TRPC3: variants seen among roughly 807,000 people sequenced by gnomAD.
The protein encoded by TRPC3 is transient receptor potential cation channel subfamily C member 3, also known as short transient receptor potential channel 3.
TRPC3 carries 54 observed loss-of-function variants against 90.9 expected under a neutral mutation model. The observed-to-expected ratio is 0.59, with a 90% CI of 0.48 to 0.75. The LOEUF (loss-of-function observed/expected upper bound fraction) is 0.75. TRPC3 is among the 30% of genes least tolerant of loss of function. The probability of loss-of-function intolerance (pLI) is 0.00; values close to 1 mark genes in which losing one functional copy is unlikely to be tolerated. For synonymous variants in TRPC3, 424 were observed against 450.9 expected (o/e 0.94, Z 0.75); for missense variants, 918 against 1,194.5 (o/e 0.77, Z 3.41).
At chr4:121,908,135 T>C (rs1165580110) in intron 6 of TRPC3, among the ~76,000 whole-genome samples, 1 of 152,160 alleles carries the variant, frequency 6.6e-6, no homozygotes, top group Admixed American at 6.5e-5. Flanking sequence ...AGTAAAAGAA[T>C]TTTGGATATA....
intron 11 of TRPC3, among the ~76,000 whole-genome samples, chr4:121,882,109 TC>T (rs1727964031): frequency 6.6e-6 from 1 of 152,162 alleles, no homozygotes; most frequent in Admixed American, 6.6e-5. Flanking sequence ...AAGATGTCAG[TC>T]TTTACATTCT....
Position 121,924,467 on chromosome 4 carries a change from G to A in TRPC3, c.1176+551C>T, listed in dbSNP as rs571553445. On this transcript the variant is annotated intron_variant, in intron 3 of 11. Coordinates refer to ENST00000379645, the MANE Select transcript of TRPC3 (RefSeq NM_001130698.2). The stretch of plus-strand genomic sequence containing the variant: ...CCCACCATGGGTAAAAAGTAGAAAG[G>A]ATCAGAAGCTACACATTTAACTTGC... Among the ~76,000 whole-genome samples, 5 of 152,240 alleles carry A rather than the reference G, an allele frequency of 3.3e-5. No individual in the cohort carries two copies. The South Asian group carries it at 8.3e-4, about 25-fold the overall frequency.
At chr4:121,938,891 T>A (rs1004870470) in intron 1 of TRPC3, among the ~76,000 whole-genome samples, 7 of 151,454 alleles carry the variant, frequency 4.6e-5, no homozygotes, top group Non-Finnish European at 1.0e-4. Flanking sequence ...ACACCCCTAC[T>A]GCTCTTTTCA....
intron 7 of TRPC3, among the ~76,000 whole-genome samples, chr4:121,906,516 A>G (rs541725599): frequency 2.6e-5 from 4 of 152,232 alleles, no homozygotes; most frequent in African/African-American, 9.6e-5. Flanking sequence ...TAAAAAATTC[A>G]TTTTAGAACA....
At chr4:121,949,386 T>C (rs1277785726) in intron 1 of TRPC3, among the ~76,000 whole-genome samples, 1 of 152,124 alleles carries the variant, frequency 6.6e-6, no homozygotes, top group Non-Finnish European at 1.5e-5. Context: ...ATTATCCTGG[T>C]AAAGGTGGGA....
chr4:121,933,263 G>T, intron 1 of TRPC3: 2 of 882,002 alleles, frequency 2.3e-6, no homozygotes, highest in Non-Finnish European at 1.5e-6. Context: ...CAGCCCTTCA[G>T]AACAAAAGCT....
At chr4:121,924,924 G>A in intron 3 of TRPC3, 94 bp downstream of exon 3, 1 of 1,368,766 alleles carries the variant, frequency 7.3e-7, no homozygotes, top group Non-Finnish European at 1.0e-6. Flanking sequence ...CTAGCGTCTA[G>A]TCTTATTATT....
intron 10 of TRPC3, among the ~76,000 whole-genome samples, chr4:121,896,100 G>A (rs1041027471): frequency 3.9e-5 from 6 of 152,018 alleles, no homozygotes; most frequent in African/African-American, 7.2e-5. Flanking sequence ...GATGATAAAA[G>A]CTTTTCATAA....
At chr4:121,899,416 T>C (rs1423004884) in intron 10 of TRPC3, among the ~76,000 whole-genome samples, 196 bp downstream of exon 10, 1 of 152,164 alleles carries the variant, frequency 6.6e-6, no homozygotes, top group Non-Finnish European at 1.5e-5. Context: ...CCAACTAACA[T>C]ACTATTTTCT....
chr4:121,881,441 C>T (rs1727939879), intron 11 of TRPC3, among the ~76,000 whole-genome samples: 1 of 152,054 alleles, frequency 6.6e-6, no homozygotes, highest in Non-Finnish European at 1.5e-5. Context: ...CTTCTGCTTT[C>T]TAAACTACAA....
chr4:121,882,501 G>A (rs1240236635), intron 10 of TRPC3, 72 bp from the exon 11 acceptor site: 2 of 1,425,262 alleles, frequency 1.4e-6, no homozygotes, highest in Non-Finnish European at 1.9e-6. Flanking sequence ...TTCCAAAGAG[G>A]CTTACATACC....
rs1162411152 is a variant in TRPC3 at position 121,951,608 on chromosome 4, C to G, written c.73G>C (p.Glu25Gln). 5 of 1,445,802 alleles carry G rather than the reference C, an allele frequency of 3.5e-6. No individual in the cohort carries two copies. The highest frequency in any genetic ancestry group is 2.6e-5 in the Admixed American group (1 of 38,246). 89.6% of individuals were successfully genotyped at this position (1,445,802 alleles called of 1,614,324 possible). ...TFPAPEEEEDEGEDEGAEPQR... is the reference protein window; with the variant it reads ...TFPAPEEEEDQGEDEGAEPQR... ...GGCTCCGCGCCCTCGTCCTCGCCCT[C>G]GTCTTCCTCCTCCTCCGGCGCCGGG... Residue 25 changes from glutamate to glutamine, a missense_variant, in exon 1 of 12, where the codon GAG (glutamate) becomes CAG (glutamine). Physicochemically the swap from Glu to Gln is conservative, Grantham distance 29. Coordinates refer to ENST00000379645, the MANE Select transcript of TRPC3 (RefSeq NM_001130698.2). The surrounding 1 kb of genome is among the most constrained non-coding windows in gnomAD (Gnocchi z 4.4).
chr4:121,903,175 A>T, intron 8 of TRPC3, 114 bp from the exon 9 acceptor site: 1 of 812,308 alleles, frequency 1.2e-6, no homozygotes, highest in East Asian at 2.7e-5. Context: ...TAGGTAACTT[A>T]TACACATTTA....
intron 1 of TRPC3, among the ~76,000 whole-genome samples, chr4:121,939,143 G>T (rs1730223906): frequency 6.6e-6 from 1 of 152,112 alleles, no homozygotes; most frequent in Admixed American, 6.6e-5. Flanking sequence ...GTTGACTCAG[G>T]ACATCTCTGC....
chr4:121,949,193 T>C (rs759896222), intron 1 of TRPC3, among the ~76,000 whole-genome samples: 6 of 152,204 alleles, frequency 3.9e-5, no homozygotes, highest in Non-Finnish European at 7.3e-5. Flanking sequence ...TTGCAACCAA[T>C]TGGGATGAAG....
intron 11 of TRPC3, among the ~76,000 whole-genome samples, chr4:121,882,081 G>T (rs1727962070): frequency 6.6e-6 from 1 of 152,004 alleles, no homozygotes; most frequent in African/African-American, 2.4e-5. Context: ...ATGTCAGAAG[G>T]ATTAAAAAAC....
intron 1 of TRPC3, among the ~76,000 whole-genome samples, chr4:121,943,448 A>T (rs1730386581): frequency 6.6e-6 from 1 of 152,198 alleles, no homozygotes; most frequent in African/African-American, 2.4e-5. Context: ...ATATTTTATC[A>T]GGATAATCTA....
chr4:121,919,109 T>C (rs559173679), intron 3 of TRPC3, among the ~76,000 whole-genome samples: 1 of 152,362 alleles, frequency 6.6e-6, no homozygotes, highest in South Asian at 2.1e-4. Flanking sequence ...TCTCAATCTT[T>C]CAATTGGACA....
At chr4:121,945,332 C>A (rs1016525699) in intron 1 of TRPC3, among the ~76,000 whole-genome samples, 6 of 152,184 alleles carry the variant, frequency 3.9e-5, no homozygotes, top group African/African-American at 1.4e-4. Context: ...TTTCTCATCC[C>A]TTCTCCTTTT....
Sources: allele counts gnomAD v4.1 joint callset (sites outside exome capture counted in the v4.1 genomes callset), GRCh38; gene constraint gnomAD v4.1.1; non-coding constraint Gnocchi (gnomAD v3.1); transcripts MANE v1.5; gene names NCBI Gene and HGNC (gene_info 2026-07-23, HGNC 2026-07-21).